PTGS2: variants seen among roughly 807,000 people sequenced by gnomAD.
PTGS2 encodes the protein prostaglandin-endoperoxide synthase 2.
A neutral mutation model predicts 63.8 loss-of-function variants in PTGS2; 14 were observed. The ratio of observed to expected loss-of-function variants is 0.22; its 90% confidence interval spans 0.14 to 0.34. PTGS2 has a LOEUF of 0.34. Ranked by LOEUF, PTGS2 falls within the 10% of genes least tolerant of loss-of-function variation. The pLI is 1.00. For synonymous variants in PTGS2, 271 were observed against 259.5 expected (o/e 1.04, Z -0.43); for missense variants, 533 against 738.5 (o/e 0.72, Z 3.23).
At position 186,679,300 on chromosome 1, in the gene PTGS2, G is replaced by A. The variant is rs1343697215; in HGVS notation, c.169+22C>T. ...CTGTATCCAGCCCCACTCCTAATGA[G>A]GCAACCAAAGGACAAACTTACGTGT... On this transcript the variant is annotated intron_variant, in intron 2 of 9. Coordinates refer to ENST00000367468, the MANE Select transcript of PTGS2 (RefSeq NM_000963.4). The A allele has an allele frequency of 2.5e-6, 4 of 1,613,462 alleles. No homozygotes were observed. The Admixed American group carries it at 5.0e-5, about 20-fold the overall frequency.
chr1:186,674,770 G>A lies in PTGS2; in HGVS notation c.1406-8C>T. ...CAGACATTTCCTTTTCTCCTGTGAA[G>A]GCGATGAAGACAGAGATACAACCAA... On this transcript the variant is annotated splice_region_variant and splice_polypyrimidine_tract_variant and intron_variant, in intron 9 of 9. Coordinates refer to ENST00000367468, the MANE Select transcript of PTGS2 (RefSeq NM_000963.4). The A allele has an allele frequency of 7.5e-6, 12 of 1,594,788 alleles. No homozygotes were observed. Among genetic ancestry groups the A allele is most frequent in the Non-Finnish European group, 1.0e-5 (12 of 1,171,314 alleles).
chr1:186,674,009 A>G lies in PTGS2; in HGVS notation c.*344T>C, dbSNP rs1204052239. On this transcript the variant is annotated 3_prime_UTR_variant, in exon 10 of 10. Coordinates refer to ENST00000367468, the MANE Select transcript of PTGS2 (RefSeq NM_000963.4). Reference sequence around the variant, plus strand: ...CATTGGAAACATCGACAGTGTAAAAACTTTCAGCATTTTGCCATCTTGTGA... The same window carrying G: ...CATTGGAAACATCGACAGTGTAAAAGCTTTCAGCATTTTGCCATCTTGTGA... 6.5e-6 allele frequency: 1 copy of G among 154,426 alleles called. No homozygotes were observed. Among genetic ancestry groups the G allele is most frequent in the East Asian group, 1.9e-4 (1 of 5,362 alleles). The allele number at this position is 154,426 out of a possible 1,614,324, so 9.6% of individuals were successfully genotyped here.
Position 186,676,657 on chromosome 1 carries a change from G to T in PTGS2, c.780C>A (p.Ile260=). 1.2e-6 allele frequency: 2 copies of T among 1,614,066 alleles called. No individual in the cohort carries two copies. Among genetic ancestry groups the T allele is most frequent in the Non-Finnish European group, 1.7e-6 (2 of 1,179,980 alleles). ...PTVKDTQAEM[I]YPPQVPEHLR... ...GATGCTCAGGGACTTGAGGAGGGTA[G>T]ATCATCTCTGCCTGAGTATCTTTGA... is the stretch of plus-strand genomic sequence containing the variant. The change falls in exon 7 of 10, where the codon ATC becomes ATA. Residue 260 remains isoleucine (I), a synonymous_variant. Coordinates refer to ENST00000367468, the MANE Select transcript of PTGS2 (RefSeq NM_000963.4).
At chr1:186,678,537 TA>T in intron 3 of PTGS2, 133 bp from the exon 4 acceptor site, 1 of 803,730 alleles carries the variant, frequency 1.2e-6, no homozygotes, top group African/African-American at 1.7e-5. Context: ...AATCTATTTT[TA>T]AACAACTACA....
intron 7 of PTGS2, 91 bp from the exon 8 acceptor site, chr1:186,676,275 C>G (rs1418782168): frequency 1.4e-6 from 2 of 1,394,602 alleles, no homozygotes; most frequent in Non-Finnish European, 1.9e-6. Context: ...ATTTGCTATT[C>G]CTTCATTTCT....
Position 186,674,424 on chromosome 1 carries a change from T to C in PTGS2, c.1744A>G (p.Ser582Gly), listed in dbSNP as rs1665743699. The C allele has an allele frequency of 6.2e-7, 1 of 1,614,026 alleles. No homozygotes were observed. The highest frequency in any genetic ancestry group is 1.3e-5 in the African/African-American group (1 of 74,940). The change falls in exon 10 of 10, where the codon AGT (serine) becomes GGT (glycine). Residue 582 changes from serine to glycine, a missense_variant. Coordinates refer to ENST00000367468, the MANE Select transcript of PTGS2 (RefSeq NM_000963.4). Reference sequence around the variant, plus strand: ...TCATCTAGTCCGGAGCGGGAAGAACTTGCATTGATGGTGACTGTTTTAATG... The same window carrying C: ...TCATCTAGTCCGGAGCGGGAAGAACCTGCATTGATGGTGACTGTTTTAATG... ...ELIKTVTINA[S>G]SSRSGLDDIN...
chr1:186,677,992 C>T (rs1365168814), intron 4 of PTGS2, among the ~76,000 whole-genome samples, 162 bp from the exon 5 acceptor site: 2 of 152,142 alleles, frequency 1.3e-5, no homozygotes, highest in Non-Finnish European at 2.9e-5. Flanking sequence ...CAACTTCTTA[C>T]TGAATGATTT....
At position 186,680,243 on chromosome 1, in the gene PTGS2, A is replaced by G. The variant is rs752671561; in HGVS notation, c.48T>C (p.His16=). Residue 16 remains histidine, a synonymous_variant, in exon 1 of 10, where the codon CAT becomes CAC. Coordinates refer to ENST00000367468, the MANE Select transcript of PTGS2 (RefSeq NM_000963.4). Reference sequence around the variant, plus strand: ...TGCGCGGCGCCAGGTACTCACCTGTATGGCTGAGCGCCAGGACCGCGCACA... The same window carrying G: ...TGCGCGGCGCCAGGTACTCACCTGTGTGGCTGAGCGCCAGGACCGCGCACA... ...LLLCAVLALS[H]TANPCCSHPC... is the part of the protein sequence containing the mutation. The G allele has an allele frequency of 6.5e-7, 1 of 1,549,104 alleles. No individual in the cohort carries two copies.
At position 186,674,745 on chromosome 1, in the gene PTGS2, C is replaced by T. The variant is rs752484376; in HGVS notation, c.1423G>A (p.Ala475Thr). 8 of 1,607,352 alleles carry T rather than the reference C, an allele frequency of 5.0e-6. No homozygotes were observed. The African/African-American group carries it at 9.4e-5, about 19-fold the overall frequency. The stretch of plus-strand genomic sequence containing the variant: ...TCACCATAGAGTGCTTCCAACTCTG[C>T]AGACATTTCCTTTTCTCCTGTGAAG... ...EELTGEKEMS[A>T]ELEALYGDID... is the part of the protein sequence containing the mutation. Residue 475 changes from alanine (A) to threonine (T), a missense_variant, in exon 10 of 10, where the codon GCA (alanine) becomes ACA (threonine). Physicochemically the swap from Ala to Thr is moderately conservative, Grantham distance 58. Coordinates refer to ENST00000367468, the MANE Select transcript of PTGS2 (RefSeq NM_000963.4).
Position 186,674,614 on chromosome 1 carries a change from T to C in PTGS2, c.1554A>G (p.Lys518=), listed in dbSNP as rs1665747309. The C allele has an allele frequency of 1.9e-6, 3 of 1,614,216 alleles. No individual in the cohort carries two copies. Among genetic ancestry groups the C allele is most frequent in the Non-Finnish European group, 2.5e-6 (3 of 1,180,044 alleles). ...AACATATAACATTACCCATAAGTCCTTTCAAGGAGAATGGTGCTCCAACTT... is the reference window on the plus strand; with the variant it reads ...AACATATAACATTACCCATAAGTCCCTTCAAGGAGAATGGTGCTCCAACTT... ...MVEVGAPFSL[K]GLMGNVICSP... Residue 518 remains lysine (K), a synonymous_variant, in exon 10 of 10, where the codon AAA becomes AAG. Coordinates refer to ENST00000367468, the MANE Select transcript of PTGS2 (RefSeq NM_000963.4).
chr1:186,673,926 A>G lies in PTGS2; in HGVS notation c.*427T>C, dbSNP rs5275. ...TGTTTTTGTTTGATGACAGAAAAAT[A>G]ACCAAAAGTACTTTAAAATTTCAAA... is the stretch of plus-strand genomic sequence containing the variant. On this transcript the variant is annotated 3_prime_UTR_variant, in exon 10 of 10. Coordinates refer to ENST00000367468, the MANE Select transcript of PTGS2 (RefSeq NM_000963.4). 61,641 of 152,406 alleles carry G rather than the reference A, an allele frequency of 0.4. 13,789 individuals are homozygous for G. The highest frequency in any genetic ancestry group is 0.61 in the African/African-American group (25,184 of 41,454). The allele number at this position is 152,406 out of a possible 1,614,324, so 9.4% of individuals were successfully genotyped here.
At position 186,673,974 on chromosome 1, in the gene PTGS2, A is replaced by C. The variant is rs199740331; in HGVS notation, c.*379T>G. ...AAACATTAGTTACTTCTAATGCATC[A>C]TGGAAGATGCATTGGAAACATCGAC... On this transcript the variant is annotated 3_prime_UTR_variant, in exon 10 of 10. Transcript: ENST00000367468. The C allele has an allele frequency of 6.5e-6, 1 of 153,336 alleles. No individual in the cohort carries two copies. The highest frequency in any genetic ancestry group is 2.1e-4 in the South Asian group (1 of 4,846). The allele number at this position is 153,336 out of a possible 1,614,324, so 9.5% of individuals were successfully genotyped here.
intron 6 of PTGS2, 59 bp from the exon 7 acceptor site, chr1:186,676,772 G>A: frequency 6.3e-7 from 1 of 1,594,068 alleles, no homozygotes; most frequent in South Asian, 1.1e-5. Flanking sequence ...ACATTTTTAG[G>A]GATTTTAAAA....
intron 3 of PTGS2, 35 bp downstream of exon 3, chr1:186,679,023 A>T: frequency 6.3e-6 from 10 of 1,588,494 alleles, no homozygotes; most frequent in Non-Finnish European, 8.5e-6. Flanking sequence ...TTTCTTTGAG[A>T]AGGCTAAAAA....
Position 186,673,400 on chromosome 1 carries a change from C to A in PTGS2, c.*953G>T, listed in dbSNP as rs1260176807. The stretch of plus-strand genomic sequence containing the variant: ...AAAAAGTTTGCTTCAAAAGTTTAAA[C>A]CTAAATTTGAACAATAATTTGGTTT... On this transcript the variant is annotated 3_prime_UTR_variant, in exon 10 of 10. Transcript: ENST00000367468. 6.6e-6 allele frequency: 1 copy of A among 152,128 alleles called. No homozygotes were observed. Among genetic ancestry groups the A allele is most frequent in the Non-Finnish European group, 1.5e-5 (1 of 68,006 alleles). The allele number at this position is 152,128 out of a possible 1,614,324, so 9.4% of individuals were successfully genotyped here. A position where few individuals can be genotyped will look rare whatever the true frequency, so the allele number is the denominator to read the frequency against.
At chr1:186,677,448 G>T (rs1665801156) in intron 5 of PTGS2, among the ~76,000 whole-genome samples, 1 of 149,896 alleles carries the variant, frequency 6.7e-6, no homozygotes, top group African/African-American at 2.4e-5. Flanking sequence ...ATATGTGTGT[G>T]CATGTCTGTG....
At chr1:186,675,796 A>G (rs1665768738) in intron 8 of PTGS2, 102 bp downstream of exon 8, 2 of 1,204,032 alleles carry the variant, frequency 1.7e-6, no homozygotes, top group Non-Finnish European at 2.3e-6. Flanking sequence ...TAGCAATATA[A>G]CTAACTACTC....
intron 9 of PTGS2, 47 bp from the exon 10 acceptor site, chr1:186,674,809 A>C (rs199703370): frequency 2.6e-5 from 39 of 1,524,500 alleles, no homozygotes; most frequent in Non-Finnish European, 3.3e-5. Flanking sequence ...CAAACTTCAC[A>C]AAATAAAAAA....
chr1:186,674,553 CT>C lies in PTGS2; in HGVS notation c.1614del (p.Glu539LysfsTer20). 1 of 1,614,150 alleles carries C rather than the reference CT, an allele frequency of 6.2e-7. No individual in the cohort carries two copies. Among genetic ancestry groups the C allele is most frequent in the Non-Finnish European group, 8.5e-7 (1 of 1,180,000 alleles). ...GTGTTGATGATTTGAAAACCCACTT[CT>C]CCACCAAAAGTGCTTGGCTTCCAGT... ...PAYWKPSTFG[G>X]EVGFQIINTA... is the part of the protein sequence containing the mutation. On this transcript the variant is annotated frameshift_variant, in exon 10 of 10. Coordinates refer to ENST00000367468, the MANE Select transcript of PTGS2 (RefSeq NM_000963.4). LOFTEE classifies it high-confidence loss of function.
Sources: allele counts gnomAD v4.1 joint callset (sites outside exome capture counted in the v4.1 genomes callset), GRCh38; gene constraint gnomAD v4.1.1; transcripts MANE v1.5; gene names NCBI Gene and HGNC (gene_info 2026-07-23, HGNC 2026-07-21).